SCMH1: variants seen among roughly 807,000 people sequenced by gnomAD.
SCMH1 encodes the protein polycomb protein SCMH1.
In SCMH1, 37 loss-of-function variants were observed where a neutral mutation model predicts 70.8. The observed-to-expected ratio is 0.52, with a 90% CI of 0.40 to 0.69. The LOEUF (loss-of-function observed/expected upper bound fraction) is 0.69. Among genes scored for constraint, SCMH1 ranks in the 30% least tolerant of loss-of-function variants. The pLI is 0.00. For missense variants in SCMH1, 607 were observed against 827.3 expected (o/e 0.73, Z 3.27); for synonymous variants, 292 against 307.4 (o/e 0.95, Z 0.52).
chr1:41,158,781 T>A (rs949089457), intron 4 of SCMH1, among the ~76,000 whole-genome samples: 6 of 152,176 alleles, frequency 3.9e-5, no homozygotes, highest in Non-Finnish European at 5.9e-5. Context: ...GAAGCTGTTT[T>A]AATAATCTAG....
At chr1:41,054,533 A>G (rs1456300184) in intron 10 of SCMH1, among the ~76,000 whole-genome samples, 2 of 152,208 alleles carry the variant, frequency 1.3e-5, no homozygotes, top group East Asian at 1.9e-4. Context: ...ATTCTTTAAG[A>G]TGTAAGAAAG....
chr1:41,043,333 A>G (rs1038976035), intron 12 of SCMH1: 2 of 152,032 alleles, frequency 1.3e-5, no homozygotes, highest in African/African-American at 4.8e-5. Flanking sequence ...ACCTCAAGTG[A>G]TCTGCCCACC....
chr1:41,118,824 C>T (rs1671189318), intron 6 of SCMH1, among the ~76,000 whole-genome samples: 1 of 152,182 alleles, frequency 6.6e-6, no homozygotes, highest in Non-Finnish European at 1.5e-5. Context: ...GAGCATTTCC[C>T]AAACTACCTC....
intron 1 of SCMH1, among the ~76,000 whole-genome samples, chr1:41,195,406 G>A (rs1652797488): frequency 6.6e-6 from 1 of 151,722 alleles, no homozygotes; most frequent in South Asian, 2.1e-4. Flanking sequence ...TATAAGGATG[G>A]TTCAACATAT....
At chr1:41,104,873 C>T (rs1344836674) in intron 8 of SCMH1, among the ~76,000 whole-genome samples, 2 of 152,104 alleles carry the variant, frequency 1.3e-5, no homozygotes, top group South Asian at 2.1e-4. Context: ...TGAATATGGG[C>T]TCTGGAAACA....
At chr1:41,044,374 A>T (rs1646637958) in intron 12 of SCMH1, among the ~76,000 whole-genome samples, 1 of 152,142 alleles carries the variant, frequency 6.6e-6, no homozygotes, top group Non-Finnish European at 1.5e-5. Context: ...AGGTTTAGGT[A>T]AGTAATCAGA....
At chr1:41,053,979 G>A (rs976031550) in intron 10 of SCMH1, among the ~76,000 whole-genome samples, 1 of 152,036 alleles carries the variant, frequency 6.6e-6, no homozygotes. Flanking sequence ...CGAGTAGCTG[G>A]GACTACAGGC....
At chr1:41,190,232 G>A (rs960755970) in intron 1 of SCMH1, among the ~76,000 whole-genome samples, 1 of 152,168 alleles carries the variant, frequency 6.6e-6, no homozygotes, top group African/African-American at 2.4e-5. Context: ...AGAAACTAGG[G>A]AAGGTTAACT....
At chr1:41,048,645 T>TG in intron 11 of SCMH1, 45 bp downstream of exon 11, 1 of 1,539,598 alleles carries the variant, frequency 6.5e-7, no homozygotes, top group Non-Finnish European at 8.9e-7. Flanking sequence ...GTTGAGAAGG[T>TG]GGGTCCTTCT....
intron 8 of SCMH1, among the ~76,000 whole-genome samples, chr1:41,085,778 T>C (rs1661440210): frequency 6.6e-6 from 1 of 151,964 alleles, no homozygotes; most frequent in African/African-American, 2.4e-5. Context: ...GGTTACATAT[T>C]GAAATGATAA....
At chr1:41,209,429 A>T (rs966203496) in intron 1 of SCMH1, among the ~76,000 whole-genome samples, 18 of 152,350 alleles carry the variant, frequency 1.2e-4, no homozygotes, top group South Asian at 1.0e-3. Context: ...AAAATTTTAG[A>T]CCAATATCCC....
intron 1 of SCMH1, among the ~76,000 whole-genome samples, chr1:41,220,137 G>C (rs1215617668): frequency 6.6e-6 from 1 of 152,126 alleles, no homozygotes; most frequent in African/African-American, 2.4e-5. Context: ...AAAGAGGTAA[G>C]GTACTTGCCA....
intron 13 of SCMH1, among the ~76,000 whole-genome samples, chr1:41,036,379 C>G (rs906540793): frequency 3.3e-5 from 5 of 152,224 alleles, no homozygotes; most frequent in African/African-American, 9.6e-5. Flanking sequence ...ATCTAGAAAC[C>G]TGGGAGACAG....
intron 6 of SCMH1, among the ~76,000 whole-genome samples, chr1:41,135,649 G>A (rs1220369736): frequency 2.6e-5 from 4 of 152,086 alleles, no homozygotes; most frequent in African/African-American, 4.8e-5. Context: ...GCAGGAGAAC[G>A]GACTAATACA....
chr1:41,075,048 G>C (rs1208357880), intron 9 of SCMH1, among the ~76,000 whole-genome samples, 171 bp downstream of exon 9: 2 of 152,202 alleles, frequency 1.3e-5, no homozygotes, highest in Admixed American at 6.5e-5. Context: ...ATTTTTAGTA[G>C]AGATGGGGTT....
chr1:41,109,126 T>C (rs1402391011), intron 8 of SCMH1, among the ~76,000 whole-genome samples: 1 of 152,132 alleles, frequency 6.6e-6, no homozygotes, highest in Non-Finnish European at 1.5e-5. Context: ...TACTAAAAGA[T>C]CTCCATGGTT....
intron 8 of SCMH1, among the ~76,000 whole-genome samples, chr1:41,095,018 C>T (rs1344739059): frequency 6.6e-6 from 1 of 151,964 alleles, no homozygotes; most frequent in Non-Finnish European, 1.5e-5. Flanking sequence ...ACCCCTGGCA[C>T]TCTCTATTCT....
At chr1:41,213,428 G>A (rs752182173) in intron 1 of SCMH1, among the ~76,000 whole-genome samples, 5 of 152,114 alleles carry the variant, frequency 3.3e-5, no homozygotes, top group Non-Finnish European at 7.4e-5. Context: ...ACAGAAGCAG[G>A]AAGGTAACCT....
exon 9 of SCMH1, chr1:41,075,349 C>T: frequency 6.2e-7 from 1 of 1,614,160 alleles, no homozygotes; most frequent in South Asian, 1.1e-5. Context: ...TTTACGCCCC[C>T]TCTGCCCTGG....
Sources: gnomAD v4.1 joint callset for allele counts (sites outside exome capture counted in the v4.1 genomes callset) on GRCh38, gnomAD v4.1.1 for gene constraint, MANE v1.5 for transcripts, NCBI Gene and HGNC (gene_info 2026-07-23, HGNC 2026-07-21) for gene names.